The following CALN1 variants were observed in gnomAD, a reference collection of about 807,000 sequenced individuals.
CALN1 encodes calneuron 1.
A neutral mutation model predicts 30.6 loss-of-function variants in CALN1; 17 were observed. The observed-to-expected ratio is 0.56, with a 90% CI of 0.38 to 0.83. The LOEUF is 0.83. Ranked by LOEUF, CALN1 falls within the 40% of genes least tolerant of loss-of-function variation. The probability of loss-of-function intolerance (pLI) is 0.00; values close to 1 mark genes in which losing one functional copy is unlikely to be tolerated. For synonymous variants in CALN1, 156 were observed against 131.4 expected, an observed-to-expected ratio of 1.19 and a Z score of -1.28; for missense variants, 291 against 354.9, an observed-to-expected ratio of 0.82 and a Z score of 1.45.
intron 3 of CALN1, among the ~76,000 whole-genome samples, chr7:72,152,166 A>C (rs1462750605): frequency 1.3e-5 from 2 of 152,032 alleles, no homozygotes; most frequent in African/African-American, 2.4e-5. Context: ...TTGGCCTCCC[A>C]AAGTGCTGGG....
chr7:72,175,695 G>A (rs558501069), intron 3 of CALN1, among the ~76,000 whole-genome samples: 2 of 151,824 alleles, frequency 1.3e-5, no homozygotes, highest in East Asian at 3.9e-4. Context: ...GGGCTTTGGA[G>A]GAACTTTGTG....
intron 2 of CALN1, among the ~76,000 whole-genome samples, chr7:72,341,776 T>C (rs186187818): frequency 1.9e-4 from 29 of 152,286 alleles, no homozygotes; most frequent in Middle Eastern, 3.4e-3. Flanking sequence ...GAAAATTAAA[T>C]GTGACTATGT....
At chr7:72,236,137 G>C (rs1461110312) in intron 3 of CALN1, among the ~76,000 whole-genome samples, 1 of 150,966 alleles carries the variant, frequency 6.6e-6, no homozygotes, top group Admixed American at 6.6e-5. Flanking sequence ...TCACATTCCA[G>C]TCCAATTTCT....
chr7:72,144,911 C>A (rs1585033264), intron 3 of CALN1, among the ~76,000 whole-genome samples: 1 of 151,164 alleles, frequency 6.6e-6, no homozygotes, highest in Non-Finnish European at 1.5e-5. Flanking sequence ...TAAAGATGTT[C>A]TTTGAAACCA....
chr7:72,360,671 G>A (rs1434086285), intron 2 of CALN1, among the ~76,000 whole-genome samples: 1 of 146,436 alleles, frequency 6.8e-6, no homozygotes, highest in Non-Finnish European at 1.5e-5. Context: ...TGTTACATAT[G>A]TATGTATACA....
At chr7:72,003,581 G>A in intron 5 of CALN1, among the ~76,000 whole-genome samples, 1 of 152,156 alleles carries the variant, frequency 6.6e-6, no homozygotes, top group East Asian at 1.9e-4. Flanking sequence ...TCATAGAAGT[G>A]TGAATGTTAT....
intron 4 of CALN1, among the ~76,000 whole-genome samples, chr7:72,089,844 A>C (rs888750923): frequency 2.0e-4 from 31 of 152,188 alleles, no homozygotes; most frequent in Admixed American, 2.0e-3. Context: ...CTTGGACAAA[A>C]CAACCAAAAA....
chr7:71,997,998 T>A (rs1438774896), intron 5 of CALN1, among the ~76,000 whole-genome samples: 1 of 151,876 alleles, frequency 6.6e-6, no homozygotes, highest in Non-Finnish European at 1.5e-5. Flanking sequence ...TTTTTGTATT[T>A]TTAGTAAAGA....
chr7:72,338,513 G>GTC (rs1173220857), intron 2 of CALN1, among the ~76,000 whole-genome samples: 8 of 146,788 alleles, frequency 5.5e-5, no homozygotes, highest in African/African-American at 2.1e-4. Context: ...GTGTGTGTGT[G>GTC]TGTGTGTGTG....
At chr7:72,020,234 T>A (rs908310252) in intron 5 of CALN1, among the ~76,000 whole-genome samples, 12 of 152,118 alleles carry the variant, frequency 7.9e-5, no homozygotes, top group Non-Finnish European at 1.5e-4. Flanking sequence ...AATTTTTCAA[T>A]CTGCTTTAGA....
chr7:72,032,913 C>T (rs1801553840), intron 4 of CALN1, among the ~76,000 whole-genome samples: 1 of 152,122 alleles, frequency 6.6e-6, no homozygotes. Flanking sequence ...AATCACATGC[C>T]CCCAAAAGAC....
At chr7:72,423,772 A>G (rs760188097) in intron 1 of CALN1, among the ~76,000 whole-genome samples, 74 of 151,514 alleles carry the variant, frequency 4.9e-4, no homozygotes, top group Non-Finnish European at 9.9e-4. Context: ...AGCTGTGATC[A>G]TGCCACTGCA....
At chr7:72,455,955 G>A in the CALN1 span, among the ~76,000 whole-genome samples, 1 of 152,090 alleles carries the variant, frequency 6.6e-6, no homozygotes, top group Non-Finnish European at 1.5e-5. Flanking sequence ...GGGAGGCCAA[G>A]GCGGGCAGAT....
rs1034782358 is a variant in CALN1, at chr7:71,950,207, G to T, written c.501+73450C>A. Among the ~76,000 whole-genome samples, 11 of 152,142 alleles carry T rather than the reference G, an allele frequency of 7.2e-5. 1 individual carries two copies. The highest frequency in any genetic ancestry group is 1.5e-5 in the Non-Finnish European group (1 of 68,022). ...CTGGAGAGTGAGCCCCTTATGGGAG[G>T]AGAATTGCTCACAGTTGTTTTAGCC... On this transcript the variant is annotated intron_variant, in intron 5 of 6. Transcript: ENST00000395275.
chr7:71,789,078 C>T (rs1316803344), intron 6 of CALN1, among the ~76,000 whole-genome samples: 1 of 150,582 alleles, frequency 6.6e-6, no homozygotes, highest in Non-Finnish European at 1.5e-5. Context: ...GTTGGGATTA[C>T]AGGCATGAGC....
chr7:72,448,961 A>G (rs567271670), upstream of CALN1, among the ~76,000 whole-genome samples: 1 of 152,008 alleles, frequency 6.6e-6, no homozygotes, highest in African/African-American at 2.4e-5. Context: ...AATCCAGCCA[A>G]TTGGTGCTCA....
intron 2 of CALN1, among the ~76,000 whole-genome samples, chr7:72,328,967 G>C (rs1272953754): frequency 6.6e-6 from 1 of 152,260 alleles, no homozygotes; most frequent in Non-Finnish European, 1.5e-5. Context: ...AAAGTGCTGG[G>C]ATTACAGGCG....
At chr7:72,000,133 A>G (rs749228671) in intron 5 of CALN1, among the ~76,000 whole-genome samples, 30 of 152,206 alleles carry the variant, frequency 2.0e-4, no homozygotes, top group Non-Finnish European at 3.7e-4. Context: ...AGAACAATAC[A>G]AAACAAAAAG....
intron 3 of CALN1, among the ~76,000 whole-genome samples, chr7:72,266,748 G>A (rs1349485216): frequency 2.0e-5 from 3 of 152,100 alleles, no homozygotes; most frequent in Non-Finnish European, 4.4e-5. Context: ...TGCATTTTCA[G>A]AACAACATGC....
Sources: gnomAD v4.1 joint callset for allele counts (sites outside exome capture counted in the v4.1 genomes callset) on GRCh38, gnomAD v4.1.1 for gene constraint, MANE v1.5 for transcripts, NCBI Gene and HGNC (gene_info 2026-07-23, HGNC 2026-07-21) for gene names.